Variants in GALNT18 observed in about 807,000 individuals in gnomAD.
The protein encoded by GALNT18 is polypeptide N-acetylgalactosaminyltransferase 18.
Under a neutral mutation model 69.5 loss-of-function variants are expected in GALNT18, and 44 were observed. The observed-to-expected ratio is 0.63, with a 90% CI of 0.50 to 0.81. GALNT18 has a LOEUF of 0.81. Among genes scored for constraint, GALNT18 ranks in the 40% least tolerant of loss-of-function variants. The pLI, the probability that GALNT18 is intolerant of heterozygous loss-of-function variation, is 0.00. For missense variants in GALNT18, 715 were observed against 810.0 expected, an observed-to-expected ratio of 0.88 and a Z score of 1.42; for synonymous variants, 364 against 318.2, an observed-to-expected ratio of 1.14 and a Z score of -1.53.
At chr11:11,581,386 T>C (rs1371144418) in intron 1 of GALNT18, among the ~76,000 whole-genome samples, 1 of 152,220 alleles carries the variant, frequency 6.6e-6, no homozygotes, top group Non-Finnish European at 1.5e-5. Flanking sequence ...GTGTGATTCC[T>C]GCCTTCTGGG....
chr11:11,603,245 G>A lies in GALNT18; in HGVS notation c.235+18114C>T, dbSNP rs1859675027. 6.6e-6 allele frequency among the ~76,000 whole-genome samples: 1 copy of A among 152,156 alleles called. No individual in the cohort carries two copies. Among genetic ancestry groups the A allele is most frequent in the East Asian group, 1.9e-4 (1 of 5,200 alleles). On this transcript the variant is annotated intron_variant, in intron 1 of 10. Coordinates refer to ENST00000227756, the MANE Select transcript of GALNT18 (RefSeq NM_198516.3). The surrounding 1 kb of genome is among the most constrained non-coding windows in gnomAD (Gnocchi z 4.5). ...GCCAAGACTAAGTGTTGCCACATAA[G>A]AACCGTCCTCCAAGGCTGTAAACAG... is the stretch of plus-strand genomic sequence containing the variant.
At chr11:11,399,910 A>G (rs145361602) in intron 3 of GALNT18, among the ~76,000 whole-genome samples, 124 of 152,356 alleles carry the variant, frequency 8.1e-4, no homozygotes, top group African/African-American at 3.0e-3. Flanking sequence ...TTTTACATGC[A>G]TTATCCAATT....
In GALNT18 at chr11:11,546,427, G is replaced by C. The variant is rs375446033; in HGVS notation, c.235+74932C>G. Among the ~76,000 whole-genome samples the C allele has an allele frequency of 6.6e-6, 1 of 152,140 alleles. No homozygotes were observed. Among genetic ancestry groups the C allele is most frequent in the Non-Finnish European group, 1.5e-5 (1 of 68,018 alleles). ...ACACCAACCTGCTGCCTGAGGCTCTGTCACATCATCTCTTGCCTGTACTTG... is the reference window on the plus strand; with the variant it reads ...ACACCAACCTGCTGCCTGAGGCTCTCTCACATCATCTCTTGCCTGTACTTG... On this transcript the variant is annotated intron_variant, in intron 1 of 10. Transcript: ENST00000227756. This position sits in a 1 kb window ranked among gnomAD's most constrained non-coding sequence, Gnocchi z 5.8.
intron 1 of GALNT18, among the ~76,000 whole-genome samples, chr11:11,495,651 G>C (rs1856854458): frequency 6.6e-6 from 1 of 152,206 alleles, no homozygotes; most frequent in Non-Finnish European, 1.5e-5. Flanking sequence ...GTAACACCCA[G>C]AAAGAGAAGA....
intron 1 of GALNT18, among the ~76,000 whole-genome samples, chr11:11,552,934 C>A (rs1858236103): frequency 6.6e-6 from 1 of 152,184 alleles, no homozygotes; most frequent in Admixed American, 6.5e-5. Flanking sequence ...AGACTGAGAT[C>A]AGCAGTTTGT....
At chr11:11,335,769 T>G (rs1222681327) in intron 7 of GALNT18, among the ~76,000 whole-genome samples, 1 of 152,152 alleles carries the variant, frequency 6.6e-6, no homozygotes, top group African/African-American at 2.4e-5. Flanking sequence ...GAGAAGGCCA[T>G]GTGAAGACAG....
chr11:11,594,828 TATATATATATATACAC>T (rs1859448024), intron 1 of GALNT18, among the ~76,000 whole-genome samples: 1 of 29,914 alleles, frequency 3.3e-5, no homozygotes, highest in Non-Finnish European at 1.0e-4. Flanking sequence ...TATATATATA[TATATATATATATACAC>T]ATATACATAC....
intron 6 of GALNT18, among the ~76,000 whole-genome samples, chr11:11,364,195 A>G (rs1309758337): frequency 6.6e-6 from 1 of 152,266 alleles, no homozygotes. Context: ...AAATGTCTCT[A>G]CAAGAAGTAT....
At chr11:11,495,625 C>T (rs1413213967) in intron 1 of GALNT18, among the ~76,000 whole-genome samples, 1 of 152,178 alleles carries the variant, frequency 6.6e-6, no homozygotes. Context: ...ACTTTAAAAA[C>T]ATCAGAGAGC....
chr11:11,374,905 T>C (rs1853703984), intron 5 of GALNT18, among the ~76,000 whole-genome samples: 1 of 152,204 alleles, frequency 6.6e-6, no homozygotes, highest in African/African-American at 2.4e-5. Context: ...TTGGTCAAAG[T>C]GGAAATGAAC....
chr11:11,369,259 G>A (rs918361168), intron 6 of GALNT18, among the ~76,000 whole-genome samples: 1 of 152,118 alleles, frequency 6.6e-6, no homozygotes, highest in Non-Finnish European at 1.5e-5. Flanking sequence ...TCACAGTTCT[G>A]GAGGCCAGAA....
chr11:11,352,993 G>T, intron 6 of GALNT18: 1 of 1,614,008 alleles, frequency 6.2e-7, no homozygotes, highest in Non-Finnish European at 8.5e-7. Flanking sequence ...CCTAATTTTC[G>T]AACCAGCTGG....
In GALNT18 at chr11:11,377,234, G is replaced by T; in HGVS notation, c.925C>A (p.Leu309Ile). Residue 309 changes from leucine (L) to isoleucine (I), a missense_variant, in exon 5 of 11, where the codon CTA becomes ATA. Coordinates refer to ENST00000227756, the MANE Select transcript of GALNT18 (RefSeq NM_198516.3). This position sits in a 1 kb window ranked among gnomAD's most constrained non-coding sequence, Gnocchi z 4.6. ...TTCCACCAGGCCTTGGGGGGATTTAGGTAGCGGCACCACAGCTCCCAGTCA... is the reference window on the plus strand; with the variant it reads ...TTCCACCAGGCCTTGGGGGGATTTATGTAGCGGCACCACAGCTCCCAGTCA... ...GFDWELWCRY[L>I]NPPKAWWKLE... The T allele has an allele frequency of 6.2e-7, 1 of 1,613,792 alleles. No individual in the cohort carries two copies.
intron 1 of GALNT18, among the ~76,000 whole-genome samples, chr11:11,554,236 C>G (rs541884536): frequency 2.0e-5 from 3 of 152,308 alleles, no homozygotes; most frequent in Non-Finnish European, 4.4e-5. Flanking sequence ...TGCCAATGCC[C>G]TTCCTTACAT....
At chr11:11,274,866 C>T (rs1848907056) in intron 10 of GALNT18, among the ~76,000 whole-genome samples, 1 of 152,172 alleles carries the variant, frequency 6.6e-6, no homozygotes, top group African/African-American at 2.4e-5. Flanking sequence ...CAGCTTCATC[C>T]ATGGGACATG....
chr11:11,398,510 G>A (rs997645847), intron 3 of GALNT18, among the ~76,000 whole-genome samples: 1 of 152,220 alleles, frequency 6.6e-6, no homozygotes, highest in African/African-American at 2.4e-5. Context: ...TTTATGGTAA[G>A]TCACCAGCTC....
chr11:11,379,359 G>A, intron 3 of GALNT18, 95 bp from the exon 4 acceptor site: 3 of 1,231,006 alleles, frequency 2.4e-6, no homozygotes, highest in Middle Eastern at 2.8e-4. Context: ...GACCCCCAGA[G>A]AAAGGCTGGG....
intron 1 of GALNT18, among the ~76,000 whole-genome samples, chr11:11,464,204 A>G (rs1202301922): frequency 6.6e-6 from 1 of 152,208 alleles, no homozygotes; most frequent in East Asian, 1.9e-4. Context: ...CAAAGTCTAA[A>G]CTTTCTTCCA....
At chr11:11,414,485 C>T (rs1854807014) in intron 3 of GALNT18, among the ~76,000 whole-genome samples, 1 of 152,170 alleles carries the variant, frequency 6.6e-6, no homozygotes, top group African/African-American at 2.4e-5. Flanking sequence ...GTTCCCTCTG[C>T]CTGGAACACT....
Sources: allele counts gnomAD v4.1 joint callset (sites outside exome capture counted in the v4.1 genomes callset), GRCh38; gene constraint gnomAD v4.1.1; non-coding constraint Gnocchi (gnomAD v3.1); transcripts MANE v1.5; gene names NCBI Gene and HGNC (gene_info 2026-07-23, HGNC 2026-07-21).